The following IGSF21 variants were observed in gnomAD, a reference collection of about 807,000 sequenced individuals.
IGSF21 encodes the protein immunoglobin superfamily member 21, also known as immunoglobulin superfamily member 21.
IGSF21 carries 28 observed loss-of-function variants against 46.8 expected under a neutral mutation model. That is an observed-to-expected ratio of 0.60 (90% CI 0.44 to 0.82). The LOEUF (loss-of-function observed/expected upper bound fraction) is 0.82, where lower values mean the gene tolerates loss of function less well. IGSF21 is among the 40% of genes least tolerant of loss of function. The probability of loss-of-function intolerance (pLI) is 0.00; values close to 1 mark genes in which losing one functional copy is unlikely to be tolerated. For missense variants in IGSF21, 624 were observed against 665.5 expected (o/e 0.94, Z 0.69); for synonymous variants, 284 against 273.6 (o/e 1.04, Z -0.38).
chr1:18,303,386 C>CCT (rs988770562), intron 3 of IGSF21, among the ~76,000 whole-genome samples: 13 of 152,116 alleles, frequency 8.5e-5, no homozygotes, highest in African/African-American at 3.1e-4. Context: ...GAATTTTCCT[C>CCT]CCCCGGCAGC....
intron 2 of IGSF21, among the ~76,000 whole-genome samples, 177 bp downstream of exon 2, chr1:18,228,187 A>T (rs2084589174): frequency 6.6e-6 from 1 of 152,098 alleles, no homozygotes; most frequent in African/African-American, 2.4e-5. Flanking sequence ...GGTACTAGCC[A>T]TCCCTTCTAC....
chr1:18,134,326 T>A (rs1254298092), intron 1 of IGSF21, among the ~76,000 whole-genome samples: 4 of 152,112 alleles, frequency 2.6e-5, no homozygotes, highest in Non-Finnish European at 5.9e-5. Flanking sequence ...GAGGCTGTCA[T>A]CTCAAACCCC....
chr1:18,274,800 C>T (rs887424638), intron 2 of IGSF21, among the ~76,000 whole-genome samples: 14 of 152,110 alleles, frequency 9.2e-5, no homozygotes, highest in East Asian at 3.9e-4. Context: ...CCAAGGTGGG[C>T]GGATCACTTG....
At chr1:18,270,661 T>C (rs923772022) in intron 2 of IGSF21, among the ~76,000 whole-genome samples, 8 of 152,178 alleles carry the variant, frequency 5.3e-5, no homozygotes, top group African/African-American at 1.9e-4. Flanking sequence ...GAGGCGGCCA[T>C]GTTGGCTGCA....
intron 6 of IGSF21, 42 bp from the exon 7 acceptor site, chr1:18,376,268 C>G: frequency 7.4e-7 from 1 of 1,345,886 alleles, no homozygotes; most frequent in Middle Eastern, 1.8e-4. Context: ...CCCTGTCCCT[C>G]CTTTCCTTAC....
intron 1 of IGSF21, among the ~76,000 whole-genome samples, chr1:18,185,675 C>T (rs1231895400): frequency 6.6e-6 from 1 of 152,178 alleles, no homozygotes; most frequent in East Asian, 1.9e-4. Context: ...TACTCTCTGA[C>T]CTTAGGCAAG....
rs371506245 is a variant in IGSF21, at chr1:18,337,961, TC to T, written c.424+2953del. Among the ~76,000 whole-genome samples the T allele has an allele frequency of 1.3e-5, 2 of 152,008 alleles. No individual in the cohort carries two copies. Among genetic ancestry groups the T allele is most frequent in the African/African-American group, 4.8e-5 (2 of 41,382 alleles). ...GCGTGGCTTCTGTAGCTCACCAAGGTCCTGAATGGTGAGGGGAGGGCCGGGG... is the reference window on the plus strand; with the variant it reads ...GCGTGGCTTCTGTAGCTCACCAAGGTCTGAATGGTGAGGGGAGGGCCGGGG... On this transcript the variant is annotated intron_variant, in intron 4 of 9. Coordinates refer to ENST00000251296, the MANE Select transcript of IGSF21 (RefSeq NM_032880.5). This position sits in a 1 kb window ranked among gnomAD's most constrained non-coding sequence, Gnocchi z 5.7.
At chr1:18,246,989 C>T (rs1016980802) in intron 2 of IGSF21, among the ~76,000 whole-genome samples, 1 of 150,988 alleles carries the variant, frequency 6.6e-6, no homozygotes, top group Non-Finnish European at 1.5e-5. Flanking sequence ...ATTGTATAGA[C>T]AAGAAAACTG....
At position 18,107,967 on chromosome 1, in the gene IGSF21, T is replaced by C. The variant is rs1348243196; in HGVS notation, c.-162T>C. The C allele has an allele frequency of 4.7e-6, 1 of 213,788 alleles. No homozygotes were observed. The highest frequency in any genetic ancestry group is 1.2e-4 in the East Asian group (1 of 8,290). The allele number at this position is 213,788 out of a possible 1,614,324, so 13.2% of individuals were successfully genotyped here. ...AGTCGAGCCGGGCGCCCGGGCTGCCTGGCCGCGGCGGCATGGGGGCGCCCC... is the reference window on the plus strand; with the variant it reads ...AGTCGAGCCGGGCGCCCGGGCTGCCCGGCCGCGGCGGCATGGGGGCGCCCC... On this transcript the variant is annotated 5_prime_UTR_variant, in exon 1 of 10. Transcript: ENST00000251296.
intron 6 of IGSF21, among the ~76,000 whole-genome samples, chr1:18,372,742 A>G (rs1272729560): frequency 6.7e-6 from 1 of 148,950 alleles, no homozygotes; most frequent in East Asian, 2.0e-4. Flanking sequence ...AGATGGATGA[A>G]TGGATGGATG....
intron 1 of IGSF21, chr1:18,113,641 T>C (rs2086162629): frequency 9.6e-6 from 1 of 104,330 alleles, no homozygotes; most frequent in Middle Eastern, 0.012. Flanking sequence ...TTGCATGACA[T>C]CTTGGTGGGT....
intron 1 of IGSF21, among the ~76,000 whole-genome samples, chr1:18,153,906 G>A (rs1359954872): frequency 6.6e-6 from 1 of 152,166 alleles, no homozygotes; most frequent in Non-Finnish European, 1.5e-5. Context: ...ATGCAGCCCT[G>A]AGCCCATGTG....
chr1:18,125,938 G>A (rs1223358973), intron 1 of IGSF21, among the ~76,000 whole-genome samples: 1 of 152,180 alleles, frequency 6.6e-6, no homozygotes, highest in Non-Finnish European at 1.5e-5. Context: ...TACAGGAAAT[G>A]TTCAGGAAAA....
intron 2 of IGSF21, among the ~76,000 whole-genome samples, chr1:18,238,867 A>G (rs2084697801): frequency 6.6e-6 from 1 of 152,190 alleles, no homozygotes; most frequent in Non-Finnish European, 1.5e-5. Context: ...GAGCTCCAGG[A>G]TCTTCATAGG....
chr1:18,245,373 T>C (rs2084774582), intron 2 of IGSF21, among the ~76,000 whole-genome samples: 1 of 152,328 alleles, frequency 6.6e-6, no homozygotes, highest in East Asian at 1.9e-4. Context: ...GAGCCTCCAT[T>C]GGGTTTTTGT....
At chr1:18,213,759 C>T (rs2084415984) in intron 1 of IGSF21, among the ~76,000 whole-genome samples, 1 of 152,186 alleles carries the variant, frequency 6.6e-6, no homozygotes, top group Non-Finnish European at 1.5e-5. Context: ...CTGGGACAAA[C>T]ACAAGAACGT....
In IGSF21 at chr1:18,119,662, C is replaced by G. The variant is rs575748693; in HGVS notation, c.70+11464C>G. 1.3e-5 allele frequency among the ~76,000 whole-genome samples: 2 copies of G among 152,160 alleles called. 1 individual carries two copies. The highest frequency in any genetic ancestry group is 2.9e-5 in the Non-Finnish European group (2 of 68,034). On this transcript the variant is annotated intron_variant, in intron 1 of 9. Coordinates refer to ENST00000251296, the MANE Select transcript of IGSF21 (RefSeq NM_032880.5). ...AGGCTGATGCCCTCAAGCTTTAATGCCCCTCTATCACATGCTGATTTCTTT... is the reference window on the plus strand; with the variant it reads ...AGGCTGATGCCCTCAAGCTTTAATGGCCCTCTATCACATGCTGATTTCTTT...
intron 1 of IGSF21, among the ~76,000 whole-genome samples, chr1:18,192,306 C>T (rs941631289): frequency 7.2e-5 from 11 of 152,314 alleles, no homozygotes; most frequent in South Asian, 4.1e-4. Flanking sequence ...GGCTCTGGGC[C>T]GGGTCTCTGG....
chr1:18,151,189 T>A (rs2086518889), intron 1 of IGSF21, among the ~76,000 whole-genome samples: 1 of 152,238 alleles, frequency 6.6e-6, no homozygotes, highest in African/African-American at 2.4e-5. Context: ...GAGTCCTTCA[T>A]GAGCCACTTG....
Sources: gnomAD v4.1 joint callset for allele counts (sites outside exome capture counted in the v4.1 genomes callset) on GRCh38, gnomAD v4.1.1 for gene constraint, Gnocchi (gnomAD v3.1) non-coding constraint, MANE v1.5 for transcripts, NCBI Gene and HGNC (gene_info 2026-07-23, HGNC 2026-07-21) for gene names.